The following CPPED1 variants were observed in gnomAD, a reference collection of about 807,000 sequenced individuals.
The protein encoded by CPPED1 is serine/threonine-protein phosphatase CPPED1.
Under a neutral mutation model 28.0 loss-of-function variants are expected in CPPED1, and 28 were observed. That is an observed-to-expected ratio of 1.00 (90% CI 0.74 to 1.37). The LOEUF (loss-of-function observed/expected upper bound fraction) is 1.37. Among genes scored for constraint, CPPED1 ranks in the 40% most tolerant of loss-of-function variants. The pLI, the probability that CPPED1 is intolerant of heterozygous loss-of-function variation, is 0.00. For missense variants in CPPED1, 504 were observed against 416.5 expected (o/e 1.21, Z -1.83); for synonymous variants, 198 against 180.2 (o/e 1.10, Z -0.79).
chr16:12,798,712 T>C (rs1298940860), intron 1 of CPPED1, among the ~76,000 whole-genome samples: 1 of 152,230 alleles, frequency 6.6e-6, no homozygotes, highest in Non-Finnish European at 1.5e-5. Flanking sequence ...TAAGTCACTT[T>C]AAAAGCATAT....
At chr16:12,791,045 TC>T (rs931992856) in intron 1 of CPPED1, among the ~76,000 whole-genome samples, 2 of 147,078 alleles carry the variant, frequency 1.4e-5, no homozygotes, top group African/African-American at 5.3e-5. Flanking sequence ...AAATCCATCA[TC>T]TTTTTTTTTT....
In CPPED1 at chr16:12,692,534, C is replaced by T. The variant is rs144771221; in HGVS notation, c.715+12090G>A. On this transcript the variant is annotated intron_variant, in intron 3 of 3. Coordinates refer to ENST00000381774, the MANE Select transcript of CPPED1 (RefSeq NM_018340.3). ...TTTCATCTGATCCCCACAAAACCCA[C>T]CGCACCTGCTTCATAGCTTTGTGAT... 5.8e-3 allele frequency among the ~76,000 whole-genome samples: 888 copies of T among 152,326 alleles called. 3 individuals carry two copies. The highest frequency in any genetic ancestry group is 0.01 in the Middle Eastern group (3 of 294).
At chr16:12,775,065 T>G (rs1047642432) in intron 2 of CPPED1, among the ~76,000 whole-genome samples, 9 of 152,140 alleles carry the variant, frequency 5.9e-5, no homozygotes, top group Admixed American at 3.9e-4. Flanking sequence ...AGCAATCCAC[T>G]TGCCTTGGCC....
intron 2 of CPPED1, among the ~76,000 whole-genome samples, chr16:12,705,957 T>C (rs1470572685): frequency 6.6e-6 from 1 of 152,234 alleles, no homozygotes; most frequent in Non-Finnish European, 1.5e-5. Context: ...GGTTAAGTTG[T>C]CGCTGTAACT....
chr16:12,789,589 G>C (rs144816057), intron 1 of CPPED1, among the ~76,000 whole-genome samples: 1 of 152,130 alleles, frequency 6.6e-6, no homozygotes, highest in African/African-American at 2.4e-5. Context: ...GCAGTGGCAT[G>C]ACCTTGGTTC....
intron 2 of CPPED1, among the ~76,000 whole-genome samples, chr16:12,773,167 A>G (rs975183311): frequency 5.7e-4 from 87 of 151,746 alleles, no homozygotes; most frequent in Middle Eastern, 3.4e-3. Context: ...CTGCATAAAG[A>G]CCCTTTTAAA....
At chr16:12,770,490 C>T (rs2080463630) in intron 2 of CPPED1, among the ~76,000 whole-genome samples, 1 of 152,136 alleles carries the variant, frequency 6.6e-6, no homozygotes, top group African/African-American at 2.4e-5. Context: ...AAGTAAATCA[C>T]ACAACAATGT....
chr16:12,677,205 G>C (rs919857517), intron 3 of CPPED1, among the ~76,000 whole-genome samples: 5 of 152,188 alleles, frequency 3.3e-5, no homozygotes, highest in Admixed American at 3.3e-4. Flanking sequence ...CAGAGGACAC[G>C]ACTGAAGGTC....
intron 1 of CPPED1, among the ~76,000 whole-genome samples, chr16:12,788,064 C>A (rs188825137): frequency 1.3e-5 from 2 of 152,192 alleles, no homozygotes; most frequent in African/African-American, 2.4e-5. Context: ...CAGTTCCTTG[C>A]CATATGGGCC....
intron 1 of CPPED1, among the ~76,000 whole-genome samples, chr16:12,797,354 T>C (rs1172513645): frequency 1.3e-5 from 2 of 152,122 alleles, no homozygotes; most frequent in African/African-American, 2.4e-5. Flanking sequence ...AGTTCAAGAC[T>C]AACCTGAGTG....
In CPPED1 at chr16:12,724,222, G is replaced by A. The variant is rs146106037; in HGVS notation, c.290-19173C>T. Among the ~76,000 whole-genome samples, 10 of 152,228 alleles carry A rather than the reference G, an allele frequency of 6.6e-5. No homozygotes were observed. In the South Asian group the frequency reaches 1.9e-3, roughly 28 times the overall value. On this transcript the variant is annotated intron_variant, in intron 2 of 3. Transcript: ENST00000381774. Reference sequence around the variant, plus strand: ...GAAGAGGCATGCTCAGTGCTAAGACGTCCCCGAACTCACAGACTCTGGGGG... The same window carrying A: ...GAAGAGGCATGCTCAGTGCTAAGACATCCCCGAACTCACAGACTCTGGGGG...
At position 12,767,565 on chromosome 16, in the gene CPPED1, C is replaced by CAAACACACTGG. The variant is rs372872659; in HGVS notation, c.289+13619_289+13620insCCAGTGTGTTT. 3.5e-3 allele frequency among the ~76,000 whole-genome samples: 532 copies of CAAACACACTGG among 152,318 alleles called. 4 individuals are homozygous for CAAACACACTGG. Among genetic ancestry groups the CAAACACACTGG allele is most frequent in the African/African-American group, 0.012 (507 of 41,564 alleles). The stretch of plus-strand genomic sequence containing the variant: ...CCCAGAGCATCATCACGACCTCAAG[C>CAAACACACTGG]ATCTATGCAAACACACTGGACTTTG... On this transcript the variant is annotated intron_variant, in intron 2 of 3. Coordinates refer to ENST00000381774, the MANE Select transcript of CPPED1 (RefSeq NM_018340.3).
At chr16:12,693,637 T>C (rs998775776) in intron 3 of CPPED1, among the ~76,000 whole-genome samples, 1 of 152,128 alleles carries the variant, frequency 6.6e-6, no homozygotes, top group Non-Finnish European at 1.5e-5. Flanking sequence ...CTGTGGGAAA[T>C]AGGGAAAATG....
chr16:12,671,493 G>C (rs1713474), intron 3 of CPPED1, among the ~76,000 whole-genome samples: 113,276 of 152,010 alleles, frequency 0.75, 45,922 homozygotes, highest in Non-Finnish European at 0.92. Flanking sequence ...TGGTGAGTGG[G>C]GTTCTGGGAG....
intron 3 of CPPED1, among the ~76,000 whole-genome samples, chr16:12,691,824 AGGG>A (rs376121866): frequency 4.8e-5 from 2 of 41,826 alleles, no homozygotes; most frequent in African/African-American, 1.8e-4. Flanking sequence ...GGGTGGGGGG[AGGG>A]GGGGAGGGAT....
At chr16:12,774,570 T>C (rs1328043379) in intron 2 of CPPED1, among the ~76,000 whole-genome samples, 1 of 152,226 alleles carries the variant, frequency 6.6e-6, no homozygotes, top group African/African-American at 2.4e-5. Context: ...CTGTTATGAA[T>C]GCATGCTGTT....
chr16:12,705,064 G>C lies in CPPED1; in HGVS notation c.290-15C>G, dbSNP rs768840825. 6 of 1,590,716 alleles carry C rather than the reference G, an allele frequency of 3.8e-6. No homozygotes were observed. Among genetic ancestry groups the C allele is most frequent in the East Asian group, 2.2e-5 (1 of 44,512 alleles). On this transcript the variant is annotated splice_polypyrimidine_tract_variant and intron_variant, in intron 2 of 3. Coordinates refer to ENST00000381774, the MANE Select transcript of CPPED1 (RefSeq NM_018340.3). ...CCACGGCTTCCCTGGAAGAGTGAGGGTCACGTCCTGAGAAAGCCAGGGGCT... is the reference window on the plus strand; with the variant it reads ...CCACGGCTTCCCTGGAAGAGTGAGGCTCACGTCCTGAGAAAGCCAGGGGCT...
intron 2 of CPPED1, among the ~76,000 whole-genome samples, chr16:12,714,359 A>C (rs1472335230): frequency 6.6e-6 from 1 of 152,182 alleles, no homozygotes; most frequent in African/African-American, 2.4e-5. Flanking sequence ...TTACTTCTTT[A>C]AGAAGCTAGC....
At chr16:12,757,069 A>G (rs942783142) in intron 2 of CPPED1, among the ~76,000 whole-genome samples, 1 of 152,180 alleles carries the variant, frequency 6.6e-6, no homozygotes, top group Non-Finnish European at 1.5e-5. Context: ...TAGCACCTCG[A>G]GGATGACCAA....
Sources: allele counts gnomAD v4.1 joint callset (sites outside exome capture counted in the v4.1 genomes callset), GRCh38; gene constraint gnomAD v4.1.1; transcripts MANE v1.5; gene names NCBI Gene and HGNC (gene_info 2026-07-23, HGNC 2026-07-21).